The following ACTL8 variants were observed in gnomAD, a reference collection of about 807,000 sequenced individuals.
ACTL8 encodes actin like 8.
In ACTL8, 3 loss-of-function variants were observed where a neutral mutation model predicts 9.3. That is an observed-to-expected ratio of 0.32 (90% CI 0.15 to 0.83). The LOEUF (loss-of-function observed/expected upper bound fraction) is 0.83, where lower values mean the gene tolerates loss of function less well. Among genes scored for constraint, ACTL8 ranks in the 40% least tolerant of loss-of-function variants. The pLI is 0.57. For missense variants in ACTL8, 381 were observed against 492.2 expected (o/e 0.77, Z 2.14); for synonymous variants, 224 against 205.9 (o/e 1.09, Z -0.75).
At chr1:17,775,498 C>T (rs2066112648) in intron 1 of ACTL8, among the ~76,000 whole-genome samples, 1 of 152,186 alleles carries the variant, frequency 6.6e-6, no homozygotes, top group South Asian at 2.1e-4. Flanking sequence ...CCAGCCAGGG[C>T]TGTACTGTCA....
intron 1 of ACTL8, among the ~76,000 whole-genome samples, chr1:17,787,154 A>G (rs970261817): frequency 2.0e-5 from 3 of 152,078 alleles, no homozygotes; most frequent in African/African-American, 4.8e-5. Flanking sequence ...GATCTCTTTC[A>G]TACTTTTCCA....
In ACTL8 at chr1:17,763,911, C is replaced by T. The variant is rs146653327; in HGVS notation, c.-25+8407C>T. ...CTCCATGCTTTACCGGCTGATGACT[C>T]AGCAGGTCTGAGCCTCAGCTTCCCA... is the stretch of plus-strand genomic sequence containing the variant. On this transcript the variant is annotated intron_variant, in intron 1 of 2. Coordinates refer to ENST00000375406, the MANE Select transcript of ACTL8 (RefSeq NM_030812.3). 2.8e-3 allele frequency among the ~76,000 whole-genome samples: 426 copies of T among 152,300 alleles called. 9 individuals carry two copies. In the East Asian group the frequency reaches 0.054, roughly 19 times the overall value.
rs78423185 is a variant in ACTL8, at chr1:17,822,599, C to A, written c.-24-386C>A. On this transcript the variant is annotated intron_variant, in intron 1 of 2. Coordinates refer to ENST00000375406, the MANE Select transcript of ACTL8 (RefSeq NM_030812.3). ...TTCCTTGTGCCCTCTAATCAGGCAG[C>A]CAGTGTCTACAAGGACTTCCCAAGT... Among the ~76,000 whole-genome samples, 596 of 152,296 alleles carry A rather than the reference C, an allele frequency of 3.9e-3. 12 individuals carry two copies. In the East Asian group the frequency reaches 0.065, roughly 17 times the overall value.
Position 17,826,687 on chromosome 1 carries a change from C to A in ACTL8, c.*168C>A, listed in dbSNP as rs780463499. ...TAGGTTCTAAGGTTTTATCTTGTTG[C>A]AAGAGTGGGACCTACCCAAGGGGGA... is the stretch of plus-strand genomic sequence containing the variant. On this transcript the variant is annotated 3_prime_UTR_variant, in exon 3 of 3. Transcript: ENST00000375406. This position sits in a 1 kb window ranked among gnomAD's most constrained non-coding sequence, Gnocchi z 4.5. 6.2e-6 allele frequency: 4 copies of A among 643,862 alleles called. No homozygotes were observed. The highest frequency in any genetic ancestry group is 9.5e-6 in the Non-Finnish European group (4 of 419,090). The allele number at this position is 643,862 out of a possible 1,614,324, so 39.9% of individuals were successfully genotyped here.
intron 1 of ACTL8, among the ~76,000 whole-genome samples, chr1:17,794,338 T>A (rs1019699956): frequency 2.0e-5 from 3 of 152,198 alleles, no homozygotes; most frequent in African/African-American, 7.2e-5. Flanking sequence ...ATGAGGAGGA[T>A]GACTAGCAAC....
chr1:17,816,173 A>G (rs1416629921), intron 1 of ACTL8, among the ~76,000 whole-genome samples: 1 of 151,338 alleles, frequency 6.6e-6, no homozygotes, highest in Non-Finnish European at 1.5e-5. Flanking sequence ...TCACCATGCT[A>G]TGCAATAGAA....
At chr1:17,780,526 G>A (rs1373746770) in intron 1 of ACTL8, among the ~76,000 whole-genome samples, 1 of 152,148 alleles carries the variant, frequency 6.6e-6, no homozygotes, top group Non-Finnish European at 1.5e-5. Context: ...TTAAGACCGT[G>A]GAAAACAAAT....
intron 1 of ACTL8, among the ~76,000 whole-genome samples, chr1:17,762,789 G>T (rs1254469627): frequency 6.6e-6 from 1 of 152,106 alleles, no homozygotes; most frequent in Non-Finnish European, 1.5e-5. Context: ...CTTGTTCCCC[G>T]GTGACTCCTG....
rs2066268379 is a variant in ACTL8 at position 17,795,245 on chromosome 1, G to C, written c.-24-27740G>C. Among the ~76,000 whole-genome samples, 4 of 152,156 alleles carry C rather than the reference G, an allele frequency of 2.6e-5. No individual in the cohort carries two copies. In the South Asian group the frequency reaches 8.3e-4, roughly 32 times the overall value. ...TCAGAAGGGAGGGCAAAGCAAAGAA[G>C]GGCACTTCCTAGAAGTTGCAGAAGA... On this transcript the variant is annotated intron_variant, in intron 1 of 2. Coordinates refer to ENST00000375406, the MANE Select transcript of ACTL8 (RefSeq NM_030812.3).
chr1:17,808,449 T>A (rs1245703573), intron 1 of ACTL8, among the ~76,000 whole-genome samples: 1 of 152,194 alleles, frequency 6.6e-6, no homozygotes, highest in East Asian at 1.9e-4. Flanking sequence ...TGGCAGTGAT[T>A]AAGAGCTTGG....
At position 17,826,473 on chromosome 1, in the gene ACTL8, C is replaced by T. The variant is rs2053723981; in HGVS notation, c.1055C>T (p.Ser352Phe). ...SVVAHLSTYQ[S>F]EWMSREEYGE... Reference sequence around the variant, plus strand: ...GTGGCTCACCTTTCTACCTACCAGTCTGAGTGGATGTCCCGAGAGGAGTAT... The same window carrying T: ...GTGGCTCACCTTTCTACCTACCAGTTTGAGTGGATGTCCCGAGAGGAGTAT... Residue 352 changes from serine to phenylalanine, a missense_variant, in exon 3 of 3, where the codon TCT becomes TTT. Physicochemically the swap from Ser to Phe is radical, Grantham distance 155. Transcript: ENST00000375406. This position sits in a 1 kb window ranked among gnomAD's most constrained non-coding sequence, Gnocchi z 4.5. 1.2e-6 allele frequency: 2 copies of T among 1,608,616 alleles called. No homozygotes were observed. The highest frequency in any genetic ancestry group is 2.7e-5 in the African/African-American group (2 of 74,898).
At chr1:17,759,188 C>G (rs547532851) in intron 1 of ACTL8, among the ~76,000 whole-genome samples, 1 of 152,370 alleles carries the variant, frequency 6.6e-6, no homozygotes, top group Non-Finnish European at 1.5e-5. Flanking sequence ...TGTCCAATCA[C>G]CCTTCTTGCC....
intron 1 of ACTL8, among the ~76,000 whole-genome samples, chr1:17,775,328 C>T (rs560108050): frequency 6.6e-6 from 1 of 152,040 alleles, no homozygotes; most frequent in South Asian, 2.1e-4. Context: ...AGCTGATTGA[C>T]TCCTGGGGCC....
intron 1 of ACTL8, among the ~76,000 whole-genome samples, chr1:17,759,253 A>G (rs569578362): frequency 6.6e-6 from 1 of 152,344 alleles, no homozygotes; most frequent in East Asian, 1.9e-4. Context: ...CCAGGCAGCA[A>G]GCTGGGCTTT....
At chr1:17,822,931 G>C (rs965839676) in intron 1 of ACTL8, 54 bp from the exon 2 acceptor site, 1 of 1,265,882 alleles carries the variant, frequency 7.9e-7, no homozygotes, top group African/African-American at 1.5e-5. Flanking sequence ...GGGGGAAGCT[G>C]CTTATGGTGG....
intron 1 of ACTL8, among the ~76,000 whole-genome samples, chr1:17,762,256 A>C (rs186174672): frequency 1.3e-4 from 19 of 151,644 alleles, no homozygotes; most frequent in Admixed American, 1.2e-3. Context: ...GGGGCCTGAG[A>C]CTCTGAGGTC....
chr1:17,814,623 C>T (rs1314446986), intron 1 of ACTL8, among the ~76,000 whole-genome samples: 1 of 151,764 alleles, frequency 6.6e-6, no homozygotes, highest in East Asian at 1.9e-4. Flanking sequence ...CATAGCATAG[C>T]AAGACTCCAT....
In ACTL8 at chr1:17,826,619, G is replaced by GGGTGA. The variant is rs1327448558; in HGVS notation, c.*102_*106dup. ...GGTGGGGGTAGAATGAGGTGGGGTG[G>GGGTGA]GGTGAGCTGGCTTTGGAATTCTAGG... On this transcript the variant is annotated 3_prime_UTR_variant, in exon 3 of 3. Coordinates refer to ENST00000375406, the MANE Select transcript of ACTL8 (RefSeq NM_030812.3). The surrounding 1 kb of genome is among the most constrained non-coding windows in gnomAD (Gnocchi z 4.5). 3 of 1,249,374 alleles carry GGGTGA rather than the reference G, an allele frequency of 2.4e-6. No homozygotes were observed. The African/African-American group carries it at 4.5e-5, about 19-fold the overall frequency. 77.4% of individuals were successfully genotyped at this position (1,249,374 alleles called of 1,614,324 possible). A position where few individuals can be genotyped will look rare whatever the true frequency, so the allele number is the denominator to read the frequency against.
intron 1 of ACTL8, among the ~76,000 whole-genome samples, chr1:17,794,899 T>C (rs536140746): frequency 6.6e-6 from 1 of 152,314 alleles, no homozygotes; most frequent in Admixed American, 6.5e-5. Flanking sequence ...ACTTTCCTTC[T>C]AACTCTTTGG....
Sources: allele counts gnomAD v4.1 joint callset (sites outside exome capture counted in the v4.1 genomes callset), GRCh38; gene constraint gnomAD v4.1.1; non-coding constraint Gnocchi (gnomAD v3.1); transcripts MANE v1.5; gene names NCBI Gene and HGNC (gene_info 2026-07-23, HGNC 2026-07-21).